PPP2R5A: variants seen among roughly 807,000 people sequenced by gnomAD.
PPP2R5A encodes serine/threonine-protein phosphatase 2A 56 kDa regulatory subunit alpha isoform.
PPP2R5A carries 25 observed loss-of-function variants against 64.2 expected under a neutral mutation model. That is an observed-to-expected ratio of 0.39 (90% CI 0.28 to 0.54). The LOEUF is 0.54. PPP2R5A is among the 20% of genes least tolerant of loss of function. The pLI is 0.67. For synonymous variants in PPP2R5A, 198 were observed against 201.2 expected (o/e 0.98, Z 0.13); for missense variants, 425 against 576.3 (o/e 0.74, Z 2.69).
intron 1 of PPP2R5A, among the ~76,000 whole-genome samples, chr1:212,327,672 C>T (rs1267223293): frequency 1.3e-5 from 2 of 152,198 alleles, no homozygotes; most frequent in African/African-American, 4.8e-5. Flanking sequence ...CCTCAGCCTT[C>T]CAAAGTGCTG....
At chr1:212,351,597 C>G (rs1296917859) in intron 8 of PPP2R5A, among the ~76,000 whole-genome samples, 1 of 152,016 alleles carries the variant, frequency 6.6e-6, no homozygotes, top group Non-Finnish European at 1.5e-5. Context: ...ACCTGTAATC[C>G]CAGCTACTTG....
intron 8 of PPP2R5A, among the ~76,000 whole-genome samples, chr1:212,351,288 TA>T (rs1197226406): frequency 8.5e-5 from 13 of 152,096 alleles, no homozygotes; most frequent in Admixed American, 7.2e-4. Context: ...GATCTCTCGA[TA>T]TAGAGATCTT....
At chr1:212,311,227 G>A (rs1490605663) in intron 1 of PPP2R5A, among the ~76,000 whole-genome samples, 4 of 152,142 alleles carry the variant, frequency 2.6e-5, no homozygotes, top group East Asian at 1.9e-4. Context: ...CCAGCACTTC[G>A]GGAGGCTGAG....
At chr1:212,331,323 A>T (rs1227660136) in intron 2 of PPP2R5A, 1 of 148,896 alleles carries the variant, frequency 6.7e-6, no homozygotes, top group Non-Finnish European at 1.5e-5. Context: ...ACCATGCCCG[A>T]TTAATTTTTT....
chr1:212,337,151 G>A (rs922909207), intron 3 of PPP2R5A, among the ~76,000 whole-genome samples: 13 of 152,162 alleles, frequency 8.5e-5, no homozygotes, highest in Non-Finnish European at 1.5e-5. Flanking sequence ...AATTTATTAA[G>A]TGTAGTATTA....
intron 8 of PPP2R5A, chr1:212,352,713 G>C: frequency 2.0e-6 from 1 of 488,632 alleles, no homozygotes; most frequent in Non-Finnish European, 4.1e-6. Context: ...GCCTCCCAAA[G>C]TGCTGGGATT....
At chr1:212,333,142 G>A (rs1352809268) in intron 2 of PPP2R5A, among the ~76,000 whole-genome samples, 1 of 152,050 alleles carries the variant, frequency 6.6e-6, no homozygotes, top group Non-Finnish European at 1.5e-5. Context: ...ACCTCAGACA[G>A]TCTGCCCCCC....
At chr1:212,299,057 C>T (rs1195999937) in intron 1 of PPP2R5A, among the ~76,000 whole-genome samples, 1 of 25,554 alleles carries the variant, frequency 3.9e-5, no homozygotes, top group Non-Finnish European at 7.2e-5. Context: ...ACCCCCCCCC[C>T]CCGCCTCCCT....
chr1:212,291,965 G>A (rs1658609186), intron 1 of PPP2R5A, among the ~76,000 whole-genome samples: 1 of 152,154 alleles, frequency 6.6e-6, no homozygotes, highest in Non-Finnish European at 1.5e-5. Flanking sequence ...TGTAAAACTA[G>A]TTTCCTCTGT....
At position 212,346,013 on chromosome 1, in the gene PPP2R5A, T is replaced by G. The variant is rs995857730; in HGVS notation, c.704+80T>G. The G allele has an allele frequency of 1.4e-5, 19 of 1,376,942 alleles. 1 individual carries two copies. The highest frequency in any genetic ancestry group is 2.8e-5 in the South Asian group (2 of 71,258). 85.3% of individuals were successfully genotyped at this position (1,376,942 alleles called of 1,614,324 possible). ...ATTCAAGTTCTTTTATTTTTATTTG[T>G]TTTTTTGAGACAGGGTCTCACTCTG... is the stretch of plus-strand genomic sequence containing the variant. On this transcript the variant is annotated intron_variant, in intron 5 of 12. Coordinates refer to ENST00000261461, the MANE Select transcript of PPP2R5A (RefSeq NM_006243.4).
chr1:212,358,638 T>C (rs753070548), intron 11 of PPP2R5A, 48 bp from the exon 12 acceptor site: 5 of 1,356,590 alleles, frequency 3.7e-6, no homozygotes. Flanking sequence ...TTACATTTCC[T>C]CTCTGTTAGC....
rs1352421705 is a variant in PPP2R5A, at chr1:212,349,225, A to T, written c.910A>T (p.Thr304Ser). ...YCVVQFLEKDTTLTEPVIRGL... is the reference protein window; with the variant it reads ...YCVVQFLEKDSTLTEPVIRGL... The stretch of plus-strand genomic sequence containing the variant: ...TGTTGTACAGTTCCTGGAGAAAGAT[A>T]CAACACTAACAGAGCCAGTAAGTGT... The change falls in exon 8 of 13, where the codon ACA (threonine) becomes TCA (serine). Residue 304 changes from threonine (T) to serine (S), a missense_variant. Thr to Ser is a moderately conservative substitution (Grantham distance 58, BLOSUM62 1). Transcript: ENST00000261461. 6.3e-7 allele frequency: 1 copy of T among 1,577,250 alleles called. No homozygotes were observed.
At chr1:212,290,051 AGGCT>A (rs1236188816) in intron 1 of PPP2R5A, among the ~76,000 whole-genome samples, 1 of 152,232 alleles carries the variant, frequency 6.6e-6, no homozygotes, top group East Asian at 1.9e-4. Flanking sequence ...ATAGCAAGAT[AGGCT>A]GAAACTGGCT....
chr1:212,305,599 G>A lies in PPP2R5A; in HGVS notation c.181+19308G>A, dbSNP rs991303493. Among the ~76,000 whole-genome samples, 79 of 152,140 alleles carry A rather than the reference G, an allele frequency of 5.2e-4. 1 individual carries two copies. Among genetic ancestry groups the A allele is most frequent in the African/African-American group, 1.8e-3 (73 of 41,502 alleles). On this transcript the variant is annotated intron_variant, in intron 1 of 12. Transcript: ENST00000261461. ...GTGTGTTCAAAGTCTTCTTCTTGTT[G>A]ATCTTCCACCTAATTGTTCTATCCA...
chr1:212,323,011 C>A (rs573646021), intron 1 of PPP2R5A, among the ~76,000 whole-genome samples: 6 of 152,276 alleles, frequency 3.9e-5, no homozygotes, highest in African/African-American at 1.2e-4. Flanking sequence ...TGGTCTCGAT[C>A]TCCTGACCTC....
intron 4 of PPP2R5A, 152 bp from the exon 5 acceptor site, chr1:212,345,651 C>G (rs1319343375): frequency 1.7e-6 from 1 of 574,804 alleles, no homozygotes; most frequent in Non-Finnish European, 2.8e-6. Context: ...CTTTTCCTCA[C>G]CTTCATTACT....
intron 8 of PPP2R5A, among the ~76,000 whole-genome samples, chr1:212,352,550 G>A (rs527876168): frequency 1.3e-5 from 2 of 151,976 alleles, no homozygotes; most frequent in Non-Finnish European, 2.9e-5. Flanking sequence ...CCCAGGCTCA[G>A]GTGATCCTCC....
At chr1:212,304,641 C>T (rs1432365089) in intron 1 of PPP2R5A, among the ~76,000 whole-genome samples, 3 of 151,996 alleles carry the variant, frequency 2.0e-5, no homozygotes, top group Non-Finnish European at 4.4e-5. Flanking sequence ...TATGCTGTGG[C>T]CTCTTAACTC....
At chr1:212,304,568 A>G (rs973026414) in intron 1 of PPP2R5A, among the ~76,000 whole-genome samples, 1 of 151,966 alleles carries the variant, frequency 6.6e-6, no homozygotes, top group African/African-American at 2.4e-5. Flanking sequence ...ACAAAAAAAG[A>G]GATGGGGTCT....
Sources: allele counts gnomAD v4.1 joint callset (sites outside exome capture counted in the v4.1 genomes callset), GRCh38; gene constraint gnomAD v4.1.1; transcripts MANE v1.5; gene names NCBI Gene and HGNC (gene_info 2026-07-23, HGNC 2026-07-21).